Variants in ISM2 observed in about 807,000 individuals in gnomAD.
ISM2 encodes the protein isthmin-2.
ISM2 carries 50 observed loss-of-function variants against 58.0 expected under a neutral mutation model. The ratio of observed to expected loss-of-function variants is 0.86; its 90% CI spans 0.69 to 1.09. ISM2 has a LOEUF of 1.09. Among genes scored for constraint, ISM2 ranks in the 50% least tolerant of loss-of-function variants. ISM2 has a pLI of 0.00. For missense variants in ISM2, 723 were observed against 745.0 expected, an observed-to-expected ratio of 0.97 and a Z score of 0.34; for synonymous variants, 303 against 312.4, an observed-to-expected ratio of 0.97 and a Z score of 0.32.
intron 1 of ISM2, among the ~76,000 whole-genome samples, chr14:77,492,960 T>C (rs1054177715): frequency 2.0e-5 from 3 of 150,956 alleles, no homozygotes; most frequent in Non-Finnish European, 2.9e-5. Context: ...GTGCCATTGC[T>C]CTCCAGCCTG....
rs757314540 is a variant in ISM2 at position 77,475,691 on chromosome 14, G to A, written c.1620C>T (p.Leu540=). ...CGTTGTTGGGAGGGAGCACAGCGTG[G>A]AGGCGGCTCCAGTCCCCCTTGCACA... ...WILCKGDWSR[L]HAVLPPNNGR... The change falls in exon 7 of 7, where the codon CTC becomes CTT. Residue 540 remains leucine (L), a synonymous_variant. Transcript: ENST00000342219. The surrounding 1 kb of genome is among the most constrained non-coding windows in gnomAD (Gnocchi z 4.1). The A allele has an allele frequency of 8.7e-6, 14 of 1,613,994 alleles. No individual in the cohort carries two copies. Among genetic ancestry groups the A allele is most frequent in the Middle Eastern group, 1.6e-4 (1 of 6,084 alleles).
In ISM2 at chr14:77,482,564, G is replaced by A; in HGVS notation, c.731C>T (p.Ala244Val). The stretch of plus-strand genomic sequence containing the variant: ...GTCTCCCCAGAGGAAGGACCAGAGG[G>A]CGGGCAGCCAGCTAAGGGTATCCTG... Reference protein sequence around the residue: ...PPQDTLSWLPALWSFLWGDYK... With the variant: ...PPQDTLSWLPVLWSFLWGDYK... Residue 244 changes from alanine to valine, a missense_variant, in exon 4 of 7, where the codon GCC becomes GTC. Physicochemically the swap from Ala to Val is moderately conservative, Grantham distance 64. Coordinates refer to ENST00000342219, the MANE Select transcript of ISM2 (RefSeq NM_199296.3). 2.5e-6 allele frequency: 4 copies of A among 1,613,982 alleles called. No homozygotes were observed. Among genetic ancestry groups the A allele is most frequent in the Non-Finnish European group, 3.4e-6 (4 of 1,179,926 alleles).
At chr14:77,477,120 C>A (rs183776492) in intron 6 of ISM2, among the ~76,000 whole-genome samples, 1 of 152,158 alleles carries the variant, frequency 6.6e-6, no homozygotes, top group East Asian at 1.9e-4. Context: ...CCCAGACTCA[C>A]CAGAGCCCTG....
At chr14:77,479,445 G>A (rs1227885256) in intron 4 of ISM2, among the ~76,000 whole-genome samples, 5 of 148,008 alleles carry the variant, frequency 3.4e-5, no homozygotes, top group Non-Finnish European at 6.0e-5. Context: ...GTGCAGTGGC[G>A]TGATCTCGGC....
Position 77,478,602 on chromosome 14 carries a change from G to C in ISM2, c.1087C>G (p.Arg363Gly), listed in dbSNP as rs201891133. ...GGACAGGAGGGCAGGTCACAGGTACGGGTCTCGGTGGCAGTGCAGCCATAG... is the reference window on the plus strand; with the variant it reads ...GGACAGGAGGGCAGGTCACAGGTACCGGTCTCGGTGGCAGTGCAGCCATAG... Reference protein sequence around the residue: ...CGYGCTATETRTCDLPSCPGT... With the variant: ...CGYGCTATETGTCDLPSCPGT... The change falls in exon 5 of 7, where the codon CGT becomes GGT. Residue 363 changes from arginine to glycine, a missense_variant. Arg to Gly is a moderately radical substitution (Grantham distance 125). Transcript: ENST00000342219. 5 of 1,613,524 alleles carry C rather than the reference G, an allele frequency of 3.1e-6. No individual in the cohort carries two copies. The highest frequency in any genetic ancestry group is 2.2e-5 in the East Asian group (1 of 44,834).
At chr14:77,498,511 T>A (rs1322195611) in intron 1 of ISM2, 142 bp downstream of exon 1, 23 of 1,294,616 alleles carry the variant, frequency 1.8e-5, no homozygotes, top group Non-Finnish European at 2.2e-5. Flanking sequence ...TCCGGGAGCT[T>A]CCGGCCGGCC....
At chr14:77,485,817 A>G (rs1490036533) in intron 1 of ISM2, among the ~76,000 whole-genome samples, 1 of 152,244 alleles carries the variant, frequency 6.6e-6, no homozygotes, top group Non-Finnish European at 1.5e-5. Flanking sequence ...ATACCTGGGC[A>G]GTATGGTATG....
chr14:77,490,069 T>C (rs1027769145), intron 1 of ISM2, among the ~76,000 whole-genome samples: 3 of 152,208 alleles, frequency 2.0e-5, no homozygotes, highest in Non-Finnish European at 4.4e-5. Context: ...TTCACCGTGT[T>C]AGCCAGGATG....
chr14:77,483,435 C>T (rs75535682), intron 3 of ISM2, among the ~76,000 whole-genome samples: 3 of 151,460 alleles, frequency 2.0e-5, no homozygotes, highest in African/African-American at 7.3e-5. Context: ...GTGCACCCAG[C>T]TACTTGGGAG....
chr14:77,478,441 G>A (rs1291341354), intron 5 of ISM2, 116 bp from the exon 6 acceptor site: 22 of 1,430,020 alleles, frequency 1.5e-5, no homozygotes, highest in Admixed American at 5.6e-5. Flanking sequence ...AAATAGGCCT[G>A]GGACAAGGCA....
chr14:77,482,822 T>G (rs2079141170), intron 3 of ISM2, 155 bp from the exon 4 acceptor site: 2 of 561,948 alleles, frequency 3.6e-6, no homozygotes, highest in Non-Finnish European at 3.1e-6. Context: ...CTAACCTTCC[T>G]GGCCTCTTAG....
chr14:77,491,011 G>A (rs10145540), intron 1 of ISM2, among the ~76,000 whole-genome samples: 32,882 of 152,150 alleles, frequency 0.22, 3,987 homozygotes, highest in African/African-American at 0.32. Flanking sequence ...CTCACTGATT[G>A]GGCTAGAAAG....
chr14:77,476,339 A>G (rs1258090912), intron 6 of ISM2, among the ~76,000 whole-genome samples: 2 of 152,236 alleles, frequency 1.3e-5, no homozygotes. Flanking sequence ...AAGGGGCTGG[A>G]GCAATGACCC....
chr14:77,483,245 T>G (rs1275203726), intron 3 of ISM2, among the ~76,000 whole-genome samples: 1 of 151,954 alleles, frequency 6.6e-6, no homozygotes, highest in Non-Finnish European at 1.5e-5. Flanking sequence ...AACAGCAAAC[T>G]ATGAAGAAGA....
chr14:77,491,859 C>A (rs56099332), intron 1 of ISM2, among the ~76,000 whole-genome samples: 1 of 151,330 alleles, frequency 6.6e-6, no homozygotes, highest in African/African-American at 2.4e-5. Flanking sequence ...CTAAGCCCTG[C>A]TAATTTTTGT....
At chr14:77,477,801 G>A (rs1594945845) in intron 6 of ISM2, among the ~76,000 whole-genome samples, 1 of 152,188 alleles carries the variant, frequency 6.6e-6, no homozygotes, top group East Asian at 1.9e-4. Flanking sequence ...CTCAGAGTGT[G>A]CAGGTGGACG....
chr14:77,483,415 G>A (rs1288529956), intron 3 of ISM2, among the ~76,000 whole-genome samples: 3 of 151,872 alleles, frequency 2.0e-5, no homozygotes, highest in South Asian at 2.1e-4. Flanking sequence ...AAAATTAGCC[G>A]GGCATGTTGG....
chr14:77,480,541 T>C (rs1188852360), intron 4 of ISM2, among the ~76,000 whole-genome samples: 3 of 124,696 alleles, frequency 2.4e-5, no homozygotes, highest in African/African-American at 9.0e-5. Context: ...AACACGGAAA[T>C]TTTTTCCTTT....
chr14:77,495,652 C>T lies in ISM2; in HGVS notation c.141+3001G>A, dbSNP rs778369360. Among the ~76,000 whole-genome samples the T allele has an allele frequency of 4.6e-5, 7 of 152,084 alleles. No homozygotes were observed. In the East Asian group the frequency reaches 5.8e-4, roughly 13 times the overall value. On this transcript the variant is annotated intron_variant, in intron 1 of 6. Coordinates refer to ENST00000342219, the MANE Select transcript of ISM2 (RefSeq NM_199296.3). ...TGTGGAGTGTCTGGGCCTCGTGAGG[C>T]GGCAAGTGCTACAGGCGCCTAGTGG...
Sources: allele counts gnomAD v4.1 joint callset (sites outside exome capture counted in the v4.1 genomes callset), GRCh38; gene constraint gnomAD v4.1.1; non-coding constraint Gnocchi (gnomAD v3.1); transcripts MANE v1.5; gene names NCBI Gene and HGNC (gene_info 2026-07-23, HGNC 2026-07-21).